The following CDH4 variants were observed in gnomAD, a reference collection of about 807,000 sequenced individuals.
CDH4 encodes cadherin-4.
CDH4 carries 33 observed loss-of-function variants against 86.0 expected under a neutral mutation model. The ratio of observed to expected loss-of-function variants is 0.38; its 90% CI spans 0.29 to 0.51. CDH4 has a LOEUF of 0.51. CDH4 is among the 20% of genes least tolerant of loss of function. The pLI is 0.86. For missense variants in CDH4, 1,114 were observed against 1,307.4 expected (o/e 0.85, Z 2.28); for synonymous variants, 555 against 549.4 (o/e 1.01, Z -0.14).
At chr20:61,468,871 A>G (rs1007983324) in intron 2 of CDH4, among the ~76,000 whole-genome samples, 1 of 152,120 alleles carries the variant, frequency 6.6e-6, no homozygotes, top group Non-Finnish European at 1.5e-5. Context: ...TATCCATCTT[A>G]TTTCAGATGA....
intron 2 of CDH4, among the ~76,000 whole-genome samples, chr20:61,285,331 G>A (rs898037612): frequency 3.3e-5 from 5 of 150,276 alleles, no homozygotes; most frequent in Non-Finnish European, 7.4e-5. Flanking sequence ...CCATAGGAGT[G>A]TAGCATAGAG....
At chr20:61,897,065 C>T (rs937609502) in intron 8 of CDH4, among the ~76,000 whole-genome samples, 1 of 152,322 alleles carries the variant, frequency 6.6e-6, no homozygotes, top group East Asian at 1.9e-4. Context: ...CAGGGAGTCA[C>T]ACTGAGCCCC....
chr20:61,493,521 G>A (rs373467847), intron 2 of CDH4, among the ~76,000 whole-genome samples: 56 of 152,350 alleles, frequency 3.7e-4, no homozygotes, highest in African/African-American at 1.1e-3. Flanking sequence ...GCTACAACCC[G>A]TGTGCCATTC....
intron 2 of CDH4, among the ~76,000 whole-genome samples, chr20:61,572,380 G>A (rs1312946783): frequency 6.6e-6 from 1 of 152,234 alleles, no homozygotes; most frequent in Non-Finnish European, 1.5e-5. Context: ...AAGCTGGAGT[G>A]GGAGACGCAA....
chr20:61,442,943 C>G (rs2085322157), intron 2 of CDH4, among the ~76,000 whole-genome samples: 1 of 152,176 alleles, frequency 6.6e-6, no homozygotes, highest in African/African-American at 2.4e-5. Flanking sequence ...TCCCTGGCCG[C>G]CACCCTTTAG....
intron 13 of CDH4, 124 bp from the exon 14 acceptor site, chr20:61,932,861 C>T: frequency 3.8e-6 from 5 of 1,313,588 alleles, no homozygotes; most frequent in Non-Finnish European, 5.2e-6. Context: ...TGCATGCACA[C>T]ATGGGCACAG....
intron 2 of CDH4, chr20:61,599,852 C>T (rs572100220): frequency 5.7e-5 from 56 of 985,428 alleles, no homozygotes; most frequent in South Asian, 1.9e-4. Context: ...CGCTTCCCTT[C>T]GCCGCACACA....
At chr20:61,654,464 G>C (rs1279391826) in intron 2 of CDH4, among the ~76,000 whole-genome samples, 1 of 152,158 alleles carries the variant, frequency 6.6e-6, no homozygotes, top group Non-Finnish European at 1.5e-5. Context: ...GAAAAATCAA[G>C]ACTTTTTAAG....
chr20:61,588,298 G>A (rs6089422), intron 2 of CDH4, among the ~76,000 whole-genome samples: 9 of 152,204 alleles, frequency 5.9e-5, no homozygotes, highest in Non-Finnish European at 8.8e-5. Context: ...CTAAGAACTA[G>A]GAAGGCGTAG....
chr20:61,330,182 T>C (rs1419855750), intron 2 of CDH4, among the ~76,000 whole-genome samples: 1 of 152,212 alleles, frequency 6.6e-6, no homozygotes, highest in Non-Finnish European at 1.5e-5. Context: ...GAATGATTTA[T>C]ATTCCTTTGG....
chr20:61,510,905 G>T lies in CDH4; in HGVS notation c.170-232658G>T, dbSNP rs1190168646. ...CTGACAATGGTGGGGGAAGGTGAGG[G>T]GGTGGGGACAGACATGTCACAAAAT... On this transcript the variant is annotated intron_variant, in intron 2 of 15. Coordinates refer to ENST00000614565, the MANE Select transcript of CDH4 (RefSeq NM_001794.5). This position sits in a 1 kb window ranked among gnomAD's most constrained non-coding sequence, Gnocchi z 4.2. Among the ~76,000 whole-genome samples the T allele has an allele frequency of 6.6e-6, 1 of 151,706 alleles. No homozygotes were observed. Among genetic ancestry groups the T allele is most frequent in the African/African-American group, 2.4e-5 (1 of 41,260 alleles).
chr20:61,400,802 T>G (rs2085045468), intron 2 of CDH4, among the ~76,000 whole-genome samples: 1 of 152,200 alleles, frequency 6.6e-6, no homozygotes, highest in Non-Finnish European at 1.5e-5. Context: ...GCTGGTACCA[T>G]CACCTCCTTG....
At chr20:61,664,685 C>G (rs944750518) in intron 2 of CDH4, among the ~76,000 whole-genome samples, 1 of 152,238 alleles carries the variant, frequency 6.6e-6, no homozygotes, top group Non-Finnish European at 1.5e-5. Context: ...GAGAAGTTCT[C>G]TCAGCCAAGA....
At chr20:61,281,752 C>A (rs538665223) in intron 2 of CDH4, among the ~76,000 whole-genome samples, 1 of 152,374 alleles carries the variant, frequency 6.6e-6, no homozygotes, top group South Asian at 2.1e-4. Context: ...CCGCCACCTC[C>A]TCCCCTGGAG....
chr20:61,473,731 A>C (rs956713317), intron 2 of CDH4, among the ~76,000 whole-genome samples: 1 of 152,118 alleles, frequency 6.6e-6, no homozygotes, highest in Non-Finnish European at 1.5e-5. Flanking sequence ...AATGGCATGC[A>C]CACATACACA....
chr20:61,565,104 T>TGGGAGG (rs2086258826), intron 2 of CDH4, among the ~76,000 whole-genome samples: 2 of 52,054 alleles, frequency 3.8e-5, no homozygotes, highest in African/African-American at 1.6e-4. Flanking sequence ...GGTGGTGCTC[T>TGGGAGG]TGGTGGTGCT....
intron 8 of CDH4, among the ~76,000 whole-genome samples, chr20:61,904,516 GTC>G (rs147953009): frequency 0.031 from 4,720 of 152,202 alleles, 241 homozygotes; most frequent in African/African-American, 0.11. Context: ...TGTCCCCCTG[GTC>G]TCTCGGCATC....
chr20:61,527,541 C>T (rs1051478844), intron 2 of CDH4, among the ~76,000 whole-genome samples: 1 of 152,198 alleles, frequency 6.6e-6, no homozygotes, highest in Non-Finnish European at 1.5e-5. Context: ...TGAGCCACCG[C>T]GTCCGGCCAC....
rs543284537 is a variant in CDH4 at position 61,528,188 on chromosome 20, C to T, written c.170-215375C>T. Reference sequence around the variant, plus strand: ...GCCAGGAGTTCAAGACCAGCTTGGCCAACATGGCGAAACCCCATTTCTACT... The same window carrying T: ...GCCAGGAGTTCAAGACCAGCTTGGCTAACATGGCGAAACCCCATTTCTACT... On this transcript the variant is annotated intron_variant, in intron 2 of 15. Transcript: ENST00000614565. 1.4e-5 allele frequency among the ~76,000 whole-genome samples: 2 copies of T among 147,548 alleles called. 1 individual carries two copies. The highest frequency in any genetic ancestry group is 5.1e-5 in the African/African-American group (2 of 39,526).
Sources: gnomAD v4.1 joint callset for allele counts (sites outside exome capture counted in the v4.1 genomes callset) on GRCh38, gnomAD v4.1.1 for gene constraint, Gnocchi (gnomAD v3.1) non-coding constraint, MANE v1.5 for transcripts, NCBI Gene and HGNC (gene_info 2026-07-23, HGNC 2026-07-21) for gene names.